The following TRPM3 variants were observed in gnomAD, a reference collection of about 807,000 sequenced individuals.
TRPM3 encodes the protein long transient receptor potential channel 3.
In TRPM3, 77 loss-of-function variants were observed where a neutral mutation model predicts 181.2. The ratio of observed to expected loss-of-function variants is 0.42; its 90% CI spans 0.35 to 0.51. The LOEUF (loss-of-function observed/expected upper bound fraction) is 0.51. Ranked by LOEUF, TRPM3 falls within the 20% of genes least tolerant of loss-of-function variation. The pLI, the probability that TRPM3 is intolerant of heterozygous loss-of-function variation, is 0.01. For missense variants in TRPM3, 1,759 were observed against 2,196.7 expected, an observed-to-expected ratio of 0.80 and a Z score of 3.98; for synonymous variants, 745 against 796.4, an observed-to-expected ratio of 0.94 and a Z score of 1.09.
At chr9:70,687,819 A>G (rs2134374478) in intron 8 of TRPM3, among the ~76,000 whole-genome samples, 1 of 152,222 alleles carries the variant, frequency 6.6e-6, no homozygotes, top group Middle Eastern at 3.4e-3. Flanking sequence ...CATGTAGTTG[A>G]TTTGTTATTG....
chr9:70,598,685 G>A lies in TRPM3; in HGVS notation c.2797-15C>T. 6.2e-7 allele frequency: 1 copy of A among 1,610,332 alleles called. No individual in the cohort carries two copies. The highest frequency in any genetic ancestry group is 8.5e-7 in the Non-Finnish European group (1 of 1,177,110). On this transcript the variant is annotated splice_polypyrimidine_tract_variant and intron_variant, in intron 20 of 25. Coordinates refer to ENST00000677713, the MANE Select transcript of TRPM3 (RefSeq NM_001366145.2). ...GACATCAGAATCTATAAGGCAGGAA[G>A]GAGAGCAGAGTTAGGTCTGGTTTCT...
At chr9:70,554,859 T>C (rs2047269996) in intron 22 of TRPM3, among the ~76,000 whole-genome samples, 2 of 152,194 alleles carry the variant, frequency 1.3e-5, no homozygotes, top group Admixed American at 1.3e-4. Context: ...GATGACTGGA[T>C]GCAGAATCAG....
chr9:70,568,214 C>A (rs1338786886), intron 22 of TRPM3, among the ~76,000 whole-genome samples: 1 of 152,128 alleles, frequency 6.6e-6, no homozygotes, highest in Non-Finnish European at 1.5e-5. Flanking sequence ...AGGCAAATGG[C>A]TGAGATTTTT....
intron 1 of TRPM3, among the ~76,000 whole-genome samples, chr9:71,283,766 T>C (rs1393766755): frequency 6.6e-6 from 1 of 152,264 alleles, no homozygotes; most frequent in Non-Finnish European, 1.5e-5. Flanking sequence ...TTTGGATCTA[T>C]ACCCAGCTCT....
intron 1 of TRPM3, among the ~76,000 whole-genome samples, chr9:71,030,036 C>A (rs764600529): frequency 6.6e-6 from 1 of 152,254 alleles, no homozygotes; most frequent in East Asian, 1.9e-4. Context: ...TTTCAACTGA[C>A]TCATATACCT....
intron 1 of TRPM3, among the ~76,000 whole-genome samples, chr9:70,990,049 A>T (rs1236403170): frequency 1.3e-5 from 2 of 152,208 alleles, no homozygotes; most frequent in Admixed American, 6.5e-5. Context: ...CAATGAGGAA[A>T]CTACAGAGTA....
At chr9:71,011,773 T>A (rs1328902073) in intron 1 of TRPM3, among the ~76,000 whole-genome samples, 3 of 129,228 alleles carry the variant, frequency 2.3e-5, no homozygotes, top group Admixed American at 8.0e-5. Flanking sequence ...ATCCATGGTT[T>A]TTTTTTTTGT....
chr9:70,697,709 C>A (rs2070997240), intron 8 of TRPM3, among the ~76,000 whole-genome samples: 1 of 152,090 alleles, frequency 6.6e-6, no homozygotes, highest in Non-Finnish European at 1.5e-5. Flanking sequence ...ATTAAGTGGA[C>A]CTCTCTGACT....
At chr9:70,936,479 T>C (rs1169619511) in intron 1 of TRPM3, among the ~76,000 whole-genome samples, 2 of 152,196 alleles carry the variant, frequency 1.3e-5, no homozygotes, top group African/African-American at 2.4e-5. Flanking sequence ...AAATTCAGGC[T>C]GCATTGCTAA....
intron 1 of TRPM3, among the ~76,000 whole-genome samples, chr9:71,056,367 C>G (rs762861099): frequency 3.4e-4 from 51 of 152,014 alleles, no homozygotes; most frequent in Non-Finnish European, 6.2e-4. Flanking sequence ...TAACTCTGAT[C>G]CTTAGAATAC....
intron 1 of TRPM3, among the ~76,000 whole-genome samples, chr9:71,409,238 A>G (rs968910972): frequency 8.5e-5 from 13 of 152,152 alleles, no homozygotes; most frequent in Admixed American, 7.9e-4. Context: ...ATCATGACAG[A>G]ATCAAATTCA....
chr9:70,664,847 A>G (rs775063750), intron 9 of TRPM3, among the ~76,000 whole-genome samples: 61 of 151,738 alleles, frequency 4.0e-4, no homozygotes, highest in Non-Finnish European at 8.1e-4. Context: ...CATGGGTTTC[A>G]CCATGTTGGC....
intron 1 of TRPM3, among the ~76,000 whole-genome samples, chr9:71,147,131 C>T (rs919284978): frequency 2.6e-5 from 4 of 152,088 alleles, no homozygotes; most frequent in Admixed American, 6.6e-5. Context: ...CCAAGTGTTC[C>T]CTTTTTTGCT....
intron 1 of TRPM3, among the ~76,000 whole-genome samples, chr9:71,289,875 CAAAAA>C (rs71352367): frequency 0.031 from 1,214 of 39,574 alleles, 8 homozygotes; most frequent in African/African-American, 0.083. Flanking sequence ...GACTCTGTCT[CAAAAA>C]AAAAAAAAAA....
At chr9:71,271,523 G>A (rs929294634) in intron 1 of TRPM3, among the ~76,000 whole-genome samples, 3 of 151,974 alleles carry the variant, frequency 2.0e-5, no homozygotes, top group African/African-American at 7.3e-5. Flanking sequence ...AACCTGTGTG[G>A]TGGCTCATCG....
intron 24 of TRPM3, 133 bp downstream of exon 24, chr9:70,552,711 C>A (rs1230627265): frequency 1.1e-6 from 1 of 909,858 alleles, no homozygotes; most frequent in African/African-American, 1.6e-5. Context: ...CCAATGCTCT[C>A]CAAGCCTTCA....
intron 1 of TRPM3, among the ~76,000 whole-genome samples, chr9:70,976,984 C>CTGGGGAT (rs1471716893): frequency 1.3e-5 from 2 of 152,152 alleles, no homozygotes; most frequent in African/African-American, 4.8e-5. Context: ...CTCTCTCATT[C>CTGGGGAT]TGGGGATTTT....
chr9:71,190,262 C>G (rs1353494512), intron 1 of TRPM3, among the ~76,000 whole-genome samples: 2 of 151,870 alleles, frequency 1.3e-5, no homozygotes, highest in Non-Finnish European at 2.9e-5. Context: ...TATCTAACAA[C>G]TGAACAATTC....
chr9:70,760,273 T>C (rs1354665092), intron 8 of TRPM3, among the ~76,000 whole-genome samples: 1 of 151,622 alleles, frequency 6.6e-6, no homozygotes. Context: ...GGTTTGTCAG[T>C]TAGAATTGGC....
Sources: allele counts gnomAD v4.1 joint callset (sites outside exome capture counted in the v4.1 genomes callset), GRCh38; gene constraint gnomAD v4.1.1; transcripts MANE v1.5; gene names NCBI Gene and HGNC (gene_info 2026-07-23, HGNC 2026-07-21).